Variants in HSPA12A observed in about 807,000 individuals in gnomAD.
The protein encoded by HSPA12A is heat shock 70 kDa protein 12A.
In HSPA12A, 28 loss-of-function variants were observed where a neutral mutation model predicts 69.2. That is an observed-to-expected ratio of 0.40 (90% CI 0.30 to 0.55). HSPA12A has a LOEUF of 0.55. Among genes scored for constraint, HSPA12A ranks in the 20% least tolerant of loss-of-function variants. The pLI is 0.38. For synonymous variants in HSPA12A, 345 were observed against 370.5 expected, an observed-to-expected ratio of 0.93 and a Z score of 0.79; for missense variants, 686 against 900.7, an observed-to-expected ratio of 0.76 and a Z score of 3.05.
intron 1 of HSPA12A, among the ~76,000 whole-genome samples, chr10:116,709,972 C>T (rs1309678315): frequency 2.0e-5 from 3 of 152,302 alleles, no homozygotes; most frequent in East Asian, 1.9e-4. Flanking sequence ...TGCTATTAGC[C>T]GTGGGCGCTA....
intron 1 of HSPA12A, among the ~76,000 whole-genome samples, chr10:116,846,107 G>A (rs1282791395): frequency 1.3e-5 from 2 of 152,130 alleles, no homozygotes; most frequent in African/African-American, 2.4e-5. Flanking sequence ...GGCACGTGGT[G>A]GCATTCAATA....
intron 1 of HSPA12A, among the ~76,000 whole-genome samples, chr10:116,716,465 T>G (rs1638429): frequency 0.36 from 53,416 of 147,598 alleles, 10,662 homozygotes; most frequent in East Asian, 0.68. Flanking sequence ...GGGTGGGGGG[T>G]GTGTATGTGT....
chr10:116,720,257 C>A (rs1486226630), intron 1 of HSPA12A, among the ~76,000 whole-genome samples: 4 of 152,204 alleles, frequency 2.6e-5, no homozygotes, highest in Non-Finnish European at 5.9e-5. Flanking sequence ...CCACCCTGGG[C>A]ACCGCCCCCT....
intron 2 of HSPA12A, among the ~76,000 whole-genome samples, chr10:116,774,995 C>T (rs927898899): frequency 3.6e-5 from 5 of 138,832 alleles, no homozygotes; most frequent in African/African-American, 1.3e-4. Context: ...CCCAACTGTG[C>T]TGCTTTGGGG....
Position 116,689,865 on chromosome 10 carries a change from C to T in HSPA12A, c.663+2486G>A, listed in dbSNP as rs560866023. On this transcript the variant is annotated intron_variant, in intron 6 of 11. Coordinates refer to ENST00000369209, the MANE Select transcript of HSPA12A (RefSeq NM_025015.3). ...CATGCAGGAGGAACTCCCGCTTACT[C>T]GGGAGGGTCAGCGTTTTGCTCTATT... Among the ~76,000 whole-genome samples, 20 of 151,800 alleles carry T rather than the reference C, an allele frequency of 1.3e-4. 1 individual carries two copies. The South Asian group carries it at 3.8e-3, about 29-fold the overall frequency.
chr10:116,735,671 C>A (rs2133056751), intron 1 of HSPA12A, among the ~76,000 whole-genome samples: 2 of 152,258 alleles, frequency 1.3e-5, no homozygotes, highest in South Asian at 4.2e-4. Context: ...AACCACCCAA[C>A]AGAGACCTGC....
In HSPA12A at chr10:116,674,856, G is replaced by A. The variant is rs782209908; in HGVS notation, c.1953C>T (p.Thr651=). ...EIQTLMQFGD[T]EIKATAIDIA... ...TATCAATGGCTGTGGCTTTGATCTC[G>A]GTGTCCCCGAACTGCATAAGGGTCT... The change falls in exon 12 of 12, where the codon ACC becomes ACT. Residue 651 remains threonine (T), a synonymous_variant. Transcript: ENST00000369209. The A allele has an allele frequency of 1.9e-5, 31 of 1,613,730 alleles. No homozygotes were observed. The highest frequency in any genetic ancestry group is 1.8e-4 in the South Asian group (16 of 91,076).
Position 116,817,949 on chromosome 10 carries a change from T to C in HSPA12A, c.91+16986A>G, listed in dbSNP as rs78789060. ...TCGCCACCTCCAATTAGGCGCCGAT[T>C]CCTGTTACCTGACCTTACAATGACA... On this transcript the variant is annotated intron_variant, in intron 2 of 12. Coordinates refer to the HSPA12A transcript ENST00000635765. Among the ~76,000 whole-genome samples, 380 of 152,292 alleles carry C rather than the reference T, an allele frequency of 2.5e-3. 12 individuals carry two copies. In the East Asian group the frequency reaches 0.057, roughly 23 times the overall value.
At chr10:116,750,100 C>A in intron 2 of HSPA12A, 1 of 456,180 alleles carries the variant, frequency 2.2e-6, no homozygotes, top group Non-Finnish European at 4.0e-6. Context: ...TTGCTTATGC[C>A]TGTATGGAAG....
At chr10:116,687,200 C>T (rs1849599250) in intron 6 of HSPA12A, among the ~76,000 whole-genome samples, 1 of 152,188 alleles carries the variant, frequency 6.6e-6, no homozygotes, top group Non-Finnish European at 1.5e-5. Context: ...CTGTCCCTCT[C>T]CAGCTGGGCT....
intron 2 of HSPA12A, among the ~76,000 whole-genome samples, chr10:116,784,493 C>T (rs907852541): frequency 6.6e-6 from 1 of 152,178 alleles, no homozygotes; most frequent in Non-Finnish European, 1.5e-5. Context: ...TTTCAGTAAG[C>T]CTAGCACTTA....
intron 1 of HSPA12A, among the ~76,000 whole-genome samples, chr10:116,735,636 T>C (rs1851291638): frequency 1.3e-5 from 2 of 152,096 alleles, no homozygotes; most frequent in African/African-American, 4.8e-5. Flanking sequence ...GTCACATAAG[T>C]GACCACAGGG....
chr10:116,748,646 CA>C (rs781795459), intron 2 of HSPA12A, among the ~76,000 whole-genome samples: 2 of 152,164 alleles, frequency 1.3e-5, no homozygotes, highest in Non-Finnish European at 2.9e-5. Context: ...ACAATCATGG[CA>C]GACAGTAAGA....
upstream of HSPA12A, chr10:116,742,623 C>T (rs1851553099): frequency 2.9e-6 from 3 of 1,031,912 alleles, no homozygotes; most frequent in Non-Finnish European, 2.3e-6. Context: ...AGCCACGGCT[C>T]CTCCCCGGGC....
rs1199265156 is a variant in HSPA12A, at chr10:116,681,207, T to C, written c.972A>G (p.Thr324=). 1.2e-6 allele frequency: 2 copies of C among 1,614,162 alleles called. No homozygotes were observed. The highest frequency in any genetic ancestry group is 2.2e-5 in the East Asian group (1 of 44,874). Reference sequence around the variant, plus strand: ...CCTCCGGTAACCGGATCTGATGGACTGTCAGGTCTACGGTGCCACCGCCAC... The same window carrying C: ...CCTCCGGTAACCGGATCTGATGGACCGTCAGGTCTACGGTGCCACCGCCAC... The part of the protein sequence containing the change: ...VDSGGGTVDL[T]VHQIRLPEGH... Residue 324 remains threonine, a synonymous_variant, in exon 9 of 12, where the codon ACA becomes ACG. Coordinates refer to ENST00000369209, the MANE Select transcript of HSPA12A (RefSeq NM_025015.3).
intron 2 of HSPA12A, among the ~76,000 whole-genome samples, chr10:116,808,936 C>G (rs1011415693): frequency 2.0e-5 from 3 of 152,166 alleles, no homozygotes; most frequent in African/African-American, 7.2e-5. Context: ...CAGTATCACG[C>G]CCCCAGTGGC....
chr10:116,722,034 G>A (rs1355735550), intron 1 of HSPA12A, among the ~76,000 whole-genome samples: 1 of 152,232 alleles, frequency 6.6e-6, no homozygotes, highest in East Asian at 1.9e-4. Context: ...AGGAGGTCTT[G>A]GGCACCCAGG....
chr10:116,690,973 G>T (rs1849719582), intron 6 of HSPA12A, among the ~76,000 whole-genome samples: 1 of 152,190 alleles, frequency 6.6e-6, no homozygotes, highest in African/African-American at 2.4e-5. Context: ...GTGTCCCGAT[G>T]CCCCATTTCT....
At chr10:116,810,875 C>T (rs1011584785) in intron 2 of HSPA12A, among the ~76,000 whole-genome samples, 1 of 152,004 alleles carries the variant, frequency 6.6e-6, no homozygotes, top group Admixed American at 6.5e-5. Context: ...TTCATTTGTT[C>T]AACAAGTGTG....
Sources: allele counts gnomAD v4.1 joint callset (sites outside exome capture counted in the v4.1 genomes callset), GRCh38; gene constraint gnomAD v4.1.1; transcripts MANE v1.5; gene names NCBI Gene and HGNC (gene_info 2026-07-23, HGNC 2026-07-21).